Variants in FAM114A1 observed in about 807,000 individuals in gnomAD.
The protein encoded by FAM114A1 is family with sequence similarity 114 member A1, also known as protein NOXP20.
In FAM114A1, 62 loss-of-function variants were observed where a neutral mutation model predicts 64.3. The observed-to-expected ratio is 0.96, with a 90% CI of 0.79 to 1.19. FAM114A1 has a LOEUF of 1.19. Ranked by LOEUF, FAM114A1 falls within the 50% of genes most tolerant of loss-of-function variation. The probability of loss-of-function intolerance (pLI) is 0.00; values close to 1 mark genes in which losing one functional copy is unlikely to be tolerated. For synonymous variants in FAM114A1, 254 were observed against 251.1 expected (o/e 1.01, Z -0.11); for missense variants, 645 against 676.3 (o/e 0.95, Z 0.51).
chr4:38,912,376 G>T (rs181221148), intron 7 of FAM114A1, among the ~76,000 whole-genome samples: 2 of 151,670 alleles, frequency 1.3e-5, no homozygotes, highest in African/African-American at 4.8e-5. Flanking sequence ...TCACTCCCCA[G>T]TTGTGTTTTG....
At chr4:38,897,765 C>A (rs1717077813) in intron 4 of FAM114A1, among the ~76,000 whole-genome samples, 1 of 151,030 alleles carries the variant, frequency 6.6e-6, no homozygotes, top group Non-Finnish European at 1.5e-5. Flanking sequence ...CATGGCAAAA[C>A]CCCATCTCTA....
chr4:38,904,542 A>G (rs1477456645), intron 4 of FAM114A1, among the ~76,000 whole-genome samples: 1 of 152,090 alleles, frequency 6.6e-6, no homozygotes, highest in East Asian at 1.9e-4. Flanking sequence ...CGCCTGCCTG[A>G]CTGCTGTTAA....
chr4:38,938,366 T>C (rs1721284536), intron 13 of FAM114A1: 1 of 152,228 alleles, frequency 6.6e-6, no homozygotes, highest in African/African-American at 2.4e-5. Context: ...ACTCTGTGAA[T>C]AAGGGGTGAG....
At chr4:38,931,151 A>G (rs1406284529) in intron 10 of FAM114A1, among the ~76,000 whole-genome samples, 3 of 152,232 alleles carry the variant, frequency 2.0e-5, no homozygotes, top group African/African-American at 2.4e-5. Flanking sequence ...AGATTTTTCA[A>G]TGTGACTGTC....
intron 9 of FAM114A1, among the ~76,000 whole-genome samples, chr4:38,923,952 T>C (rs536640322): frequency 6.6e-6 from 1 of 152,304 alleles, no homozygotes; most frequent in Admixed American, 6.5e-5. Flanking sequence ...GAAGAGAGAT[T>C]TCTTACTGAT....
chr4:38,880,099 A>AG (rs879505330), intron 3 of FAM114A1, among the ~76,000 whole-genome samples: 3,403 of 115,984 alleles, frequency 0.029, 212 homozygotes, highest in Admixed American at 0.1. Context: ...AAAATAAAAT[A>AG]AAATAGAGTA....
chr4:38,904,964 C>G (rs997667046), intron 4 of FAM114A1, among the ~76,000 whole-genome samples: 2 of 152,122 alleles, frequency 1.3e-5, no homozygotes, highest in Admixed American at 1.3e-4. Context: ...TTGCACGTCA[C>G]AATAACTCAA....
At chr4:38,932,734 C>T (rs1312007172) in intron 12 of FAM114A1, among the ~76,000 whole-genome samples, 2 of 151,936 alleles carry the variant, frequency 1.3e-5, no homozygotes, top group Non-Finnish European at 2.9e-5. Context: ...TGAGCTCAAG[C>T]AGTCCTCCTG....
intron 7 of FAM114A1, among the ~76,000 whole-genome samples, chr4:38,911,947 C>T (rs1163962909): frequency 1.3e-4 from 20 of 149,414 alleles, no homozygotes; most frequent in East Asian, 2.0e-4. Flanking sequence ...CTGCAACCTC[C>T]GCCTCCTGGG....
intron 13 of FAM114A1, among the ~76,000 whole-genome samples, chr4:38,938,097 C>T (rs1224925748): frequency 1.1e-4 from 17 of 152,160 alleles, no homozygotes; most frequent in Admixed American, 1.1e-3. Flanking sequence ...GTTCCTAACC[C>T]TGTGTCTTTC....
intron 4 of FAM114A1, among the ~76,000 whole-genome samples, chr4:38,905,295 A>G (rs2077382084): frequency 6.6e-6 from 1 of 152,004 alleles, no homozygotes; most frequent in Non-Finnish European, 1.5e-5. Context: ...GCTGCTAGGG[A>G]GGCTGAGGCA....
intron 6 of FAM114A1, among the ~76,000 whole-genome samples, chr4:38,907,777 T>A (rs299402): frequency 6.6e-6 from 1 of 152,092 alleles, no homozygotes; most frequent in East Asian, 1.9e-4. Flanking sequence ...TTATATATGG[T>A]GGGGAAAAAC....
At chr4:38,935,403 A>G (rs1453674701) in intron 12 of FAM114A1, among the ~76,000 whole-genome samples, 3 of 152,102 alleles carry the variant, frequency 2.0e-5, no homozygotes, top group Non-Finnish European at 4.4e-5. Context: ...GCCAGAGTGT[A>G]TAAGCTCTAC....
chr4:38,940,919 T>C (rs746269933), intron 13 of FAM114A1, 49 bp from the exon 14 acceptor site: 2 of 1,590,700 alleles, frequency 1.3e-6, no homozygotes, highest in Non-Finnish European at 1.7e-6. Context: ...GTGGCAAGCC[T>C]TGTAGTATGA....
At chr4:38,902,251 A>G (rs1380781030) in intron 4 of FAM114A1, among the ~76,000 whole-genome samples, 4 of 152,214 alleles carry the variant, frequency 2.6e-5, no homozygotes, top group Non-Finnish European at 2.9e-5. Flanking sequence ...AAGATCATTG[A>G]GAAGATTAAA....
At chr4:38,915,698 A>C (rs1454860055) in intron 8 of FAM114A1, among the ~76,000 whole-genome samples, 1 of 149,622 alleles carries the variant, frequency 6.7e-6, no homozygotes, top group African/African-American at 2.5e-5. Flanking sequence ...TGAATAGCAA[A>C]AGTCAGCAGG....
rs376329022 is a variant in FAM114A1, at chr4:38,932,289, G to A, written c.1378G>A (p.Glu460Lys). The part of the protein sequence containing the change: ...SLAEVTARCI[E>K]QLHKVAELIL... ...GGCGGAGGTAACAGCGCGCTGTATT[G>A]AGCAGCTTCATAAAGTAGCAGAATT... is the stretch of plus-strand genomic sequence containing the variant. Residue 460 changes from glutamate (E) to lysine (K), a missense_variant, in exon 12 of 15, where the codon GAG (glutamate) becomes AAG (lysine). By Grantham distance (56) the Glu-to-Lys change is moderately conservative. Coordinates refer to ENST00000358869, the MANE Select transcript of FAM114A1 (RefSeq NM_138389.4). 2.5e-6 allele frequency: 4 copies of A among 1,613,952 alleles called. No homozygotes were observed. The highest frequency in any genetic ancestry group is 3.4e-6 in the Non-Finnish European group (4 of 1,179,990).
rs1177408727 is a variant in FAM114A1, at chr4:38,908,598, A to G, written c.664A>G (p.Ser222Gly). The G allele has an allele frequency of 6.2e-7, 1 of 1,610,916 alleles. No individual in the cohort carries two copies. The highest frequency in any genetic ancestry group is 1.3e-5 in the African/African-American group (1 of 74,896). The change falls in exon 7 of 15, where the codon AGT becomes GGT. Residue 222 changes from serine (S) to glycine (G), a missense_variant. Transcript: ENST00000358869. ...ITNVVQNTGK[S>G]VLTGGLDALE... is the part of the protein sequence containing the mutation. ...GCAGTTATCTCATCTGCAGGGTAAAAGTGTCTTAACTGGAGGCCTTGATGC... is the reference window on the plus strand; with the variant it reads ...GCAGTTATCTCATCTGCAGGGTAAAGGTGTCTTAACTGGAGGCCTTGATGC...
At chr4:38,878,562 G>A (rs1714907923) in intron 3 of FAM114A1, 136 bp downstream of exon 3, 3 of 679,966 alleles carry the variant, frequency 4.4e-6, no homozygotes, top group East Asian at 5.5e-5. Context: ...CATCAGAAAT[G>A]TGTAGTGAGA....
Sources: gnomAD v4.1 joint callset for allele counts (sites outside exome capture counted in the v4.1 genomes callset) on GRCh38, gnomAD v4.1.1 for gene constraint, MANE v1.5 for transcripts, NCBI Gene and HGNC (gene_info 2026-07-23, HGNC 2026-07-21) for gene names.